Variants in FAT3 observed in about 807,000 individuals in gnomAD.
FAT3 encodes protocadherin Fat 3.
FAT3 carries 95 observed loss-of-function variants against 310.2 expected under a neutral mutation model. The ratio of observed to expected loss-of-function variants is 0.31; its 90% CI spans 0.26 to 0.36. The LOEUF is 0.36. FAT3 is among the 10% of genes least tolerant of loss of function. The pLI is 1.00. For synonymous variants in FAT3, 2,314 were observed against 2,192.9 expected, an observed-to-expected ratio of 1.06 and a Z score of -1.54; for missense variants, 5,408 against 5,715.6, an observed-to-expected ratio of 0.95 and a Z score of 1.74.
intron 2 of FAT3, among the ~76,000 whole-genome samples, chr11:92,395,502 C>G (rs1309653105): frequency 1.3e-5 from 2 of 152,144 alleles, no homozygotes; most frequent in Non-Finnish European, 2.9e-5. Context: ...ACAGTTCTCT[C>G]TGTTCTACAA....
rs988307866 is a variant in FAT3, at chr11:92,867,147, C to A, written c.12065C>A (p.Pro4022His). 1 of 1,600,548 alleles carries A rather than the reference C, an allele frequency of 6.2e-7. No individual in the cohort carries two copies. The highest frequency in any genetic ancestry group is 8.5e-7 in the Non-Finnish European group (1 of 1,175,068). Reference protein sequence around the residue: ...TELKLGCVLYPDACKRSPCQH... With the variant: ...TELKLGCVLYHDACKRSPCQH... ...CTGAAGCTGGGCTGCGTGCTCTATC[C>A]CGACGCCTGCAAGCGCAGCCCGTGC... is the stretch of plus-strand genomic sequence containing the variant. The change falls in exon 22 of 28, where the codon CCC becomes CAC. Residue 4022 changes from proline to histidine, a missense_variant. Transcript: ENST00000525166.
At chr11:92,659,702 A>G (rs1942711226) in intron 3 of FAT3, among the ~76,000 whole-genome samples, 2 of 152,210 alleles carry the variant, frequency 1.3e-5, no homozygotes, top group Non-Finnish European at 2.9e-5. Context: ...AAAAAGGGTG[A>G]GAAGCTGATG....
chr11:92,731,722 G>T (rs1250563680), intron 4 of FAT3, among the ~76,000 whole-genome samples: 2 of 151,828 alleles, frequency 1.3e-5, no homozygotes, highest in Non-Finnish European at 2.9e-5. Context: ...AGCCCTTAAG[G>T]CAGTAAGAAG....
rs1183315852 is a variant in FAT3 at position 92,225,151 on chromosome 11, C to A, written c.-41C>A. On this transcript the variant is annotated 5_prime_UTR_variant, in exon 1 of 28. Coordinates refer to ENST00000525166, the MANE Select transcript of FAT3 (RefSeq NM_001367949.2). ...CCACGGGGGAGGCGCCTCGTAGAGC[C>A]GTGGATCGCCAGCGGAGGCAAGGGT... is the stretch of plus-strand genomic sequence containing the variant. Among the ~76,000 whole-genome samples, 3 of 152,110 alleles carry A rather than the reference C, an allele frequency of 2.0e-5. No homozygotes were observed. Among genetic ancestry groups the A allele is most frequent in the African/African-American group, 7.2e-5 (3 of 41,446 alleles).
intron 13 of FAT3, among the ~76,000 whole-genome samples, chr11:92,825,095 G>A (rs565900304): frequency 6.6e-6 from 1 of 152,258 alleles, no homozygotes; most frequent in Non-Finnish European, 1.5e-5. Flanking sequence ...ATAAAAGAAA[G>A]CAGTTTTTTC....
chr11:92,468,208 G>C (rs1245562143), intron 2 of FAT3, among the ~76,000 whole-genome samples: 1 of 152,178 alleles, frequency 6.6e-6, no homozygotes, highest in African/African-American at 2.4e-5. Flanking sequence ...ATTGTGGATA[G>C]AGCATGGATT....
chr11:92,567,930 C>A (rs113619429), intron 3 of FAT3, among the ~76,000 whole-genome samples: 41 of 151,846 alleles, frequency 2.7e-4, no homozygotes, highest in African/African-American at 8.9e-4. Flanking sequence ...TTGGGAGATA[C>A]ACCTAATGCT....
chr11:92,876,133 G>A (rs1022096853), intron 22 of FAT3, among the ~76,000 whole-genome samples: 16 of 152,018 alleles, frequency 1.1e-4, no homozygotes, highest in African/African-American at 3.9e-4. Flanking sequence ...GGGAGTTTTC[G>A]CCAAGTTTAC....
At chr11:92,844,766 C>G (rs753287189) in intron 19 of FAT3, 34 bp downstream of exon 19, 1 of 1,473,454 alleles carries the variant, frequency 6.8e-7, no homozygotes. Context: ...CTCTCAACTC[C>G]TGAGATTGTA....
rs1351468462 is a variant in FAT3 at position 92,393,562 on chromosome 11, G to A, written c.3292+38158G>A. ...ATGACCGACATCTCGATCTGGATAA[G>A]CACAGCTTGTGTTTGGCTTAGATAG... On this transcript the variant is annotated intron_variant, in intron 2 of 27. Transcript: ENST00000525166. 2.0e-5 allele frequency among the ~76,000 whole-genome samples: 3 copies of A among 152,150 alleles called. No individual in the cohort carries two copies. The East Asian group carries it at 5.8e-4, about 29-fold the overall frequency.
intron 2 of FAT3, among the ~76,000 whole-genome samples, chr11:92,410,922 A>G (rs1168867210): frequency 1.3e-5 from 2 of 151,546 alleles, no homozygotes; most frequent in Admixed American, 6.6e-5. Context: ...TTTATATATC[A>G]TACTCAATTT....
At chr11:92,515,474 CTCTA>C (rs1453289016) in intron 2 of FAT3, among the ~76,000 whole-genome samples, 1 of 152,072 alleles carries the variant, frequency 6.6e-6, no homozygotes, top group Non-Finnish European at 1.5e-5. Flanking sequence ...AATGACACTT[CTCTA>C]TCAGAGGGGA....
chr11:92,705,543 G>A (rs1591629613), intron 4 of FAT3, among the ~76,000 whole-genome samples: 2 of 42,786 alleles, frequency 4.7e-5, no homozygotes, highest in East Asian at 6.5e-4. Context: ...GTGTGATGGT[G>A]TGATGGTGGT....
At chr11:92,567,769 A>G (rs1197624077) in intron 3 of FAT3, among the ~76,000 whole-genome samples, 2 of 152,164 alleles carry the variant, frequency 1.3e-5, no homozygotes, top group Non-Finnish European at 1.5e-5. Flanking sequence ...CATCATTCTC[A>G]GTAAACTTTC....
At chr11:92,532,285 C>T (rs1030768255) in intron 3 of FAT3, among the ~76,000 whole-genome samples, 1 of 152,118 alleles carries the variant, frequency 6.6e-6, no homozygotes, top group African/African-American at 2.4e-5. Context: ...CCTCTTTGTC[C>T]AGTCATACTT....
chr11:92,780,156 T>A lies in FAT3; in HGVS notation c.4335+5976T>A, dbSNP rs562936270. Among the ~76,000 whole-genome samples the A allele has an allele frequency of 8.9e-4, 53 of 59,536 alleles. No homozygotes were observed. In the East Asian group the frequency reaches 0.031, roughly 35 times the overall value. The allele number at this position is 59,536 out of a possible 152,430, so 39.1% of individuals were successfully genotyped here. A position where few individuals can be genotyped will look rare whatever the true frequency, so the allele number is the denominator to read the frequency against. The stretch of plus-strand genomic sequence containing the variant: ...AAGCTTCTAAGTTTATGGTAACTTT[T>A]TTTTTTCTTTTTTTTTTTTTTCCAG... On this transcript the variant is annotated intron_variant, in intron 7 of 27. Coordinates refer to ENST00000525166, the MANE Select transcript of FAT3 (RefSeq NM_001367949.2).
chr11:92,420,325 C>G (rs1337712273), intron 2 of FAT3, among the ~76,000 whole-genome samples: 1 of 152,186 alleles, frequency 6.6e-6, no homozygotes, highest in Non-Finnish European at 1.5e-5. Flanking sequence ...GTCCATACAT[C>G]ATGGTTTCTG....
intron 1 of FAT3, among the ~76,000 whole-genome samples, chr11:92,335,723 T>C (rs1203226797): frequency 6.6e-6 from 1 of 152,182 alleles, no homozygotes; most frequent in Admixed American, 6.6e-5. Context: ...GGTTTTGAGG[T>C]GGCCCTAGTC....
At chr11:92,408,484 G>A (rs1043151310) in intron 2 of FAT3, among the ~76,000 whole-genome samples, 2 of 152,126 alleles carry the variant, frequency 1.3e-5, no homozygotes, top group African/African-American at 4.8e-5. Flanking sequence ...CTGAAGCATG[G>A]GAGCAGTAAT....
Sources: allele counts gnomAD v4.1 joint callset (sites outside exome capture counted in the v4.1 genomes callset), GRCh38; gene constraint gnomAD v4.1.1; transcripts MANE v1.5; gene names NCBI Gene and HGNC (gene_info 2026-07-23, HGNC 2026-07-21).